The following CHURC1 variants were observed in gnomAD, a reference collection of about 807,000 sequenced individuals.
The protein encoded by CHURC1 is protein Churchill.
A neutral mutation model predicts 15.4 loss-of-function variants in CHURC1; 12 were observed. The observed-to-expected ratio is 0.78, with a 90% CI of 0.50 to 1.27. The LOEUF (loss-of-function observed/expected upper bound fraction) is 1.27, where lower values mean the gene tolerates loss of function less well. Ranked by LOEUF, CHURC1 falls within the 50% of genes most tolerant of loss-of-function variation. CHURC1 has a pLI of 0.00. For missense variants in CHURC1, 132 were observed against 137.8 expected (o/e 0.96, Z 0.21); for synonymous variants, 42 against 47.5 (o/e 0.88, Z 0.48).
Position 64,932,337 on chromosome 14 carries a change from T to C in CHURC1, c.*107T>C. The C allele has an allele frequency of 6.6e-7, 1 of 1,521,196 alleles. No homozygotes were observed. Among genetic ancestry groups the C allele is most frequent in the Non-Finnish European group, 8.8e-7 (1 of 1,131,720 alleles). 94.2% of individuals were successfully genotyped at this position (1,521,196 alleles called of 1,614,324 possible). A position where few individuals can be genotyped will look rare whatever the true frequency, so the allele number is the denominator to read the frequency against. ...TACTGAAAATTCTTTGCATATTTTTTTTCTGCTTAGACTTACTTATTCTTT... is the reference window on the plus strand; with the variant it reads ...TACTGAAAATTCTTTGCATATTTTTCTTCTGCTTAGACTTACTTATTCTTT... On this transcript the variant is annotated 3_prime_UTR_variant, in exon 4 of 4. Transcript: ENST00000549115.
intron 1 of CHURC1, among the ~76,000 whole-genome samples, chr14:64,916,578 G>A (rs1356153114): frequency 3.3e-5 from 5 of 151,990 alleles, no homozygotes. Flanking sequence ...ATTCTTTTTT[G>A]TTGTTGTTTT....
chr14:64,932,060 A>G lies in CHURC1; in HGVS notation c.247-78A>G. On this transcript the variant is annotated intron_variant, in intron 3 of 3. Transcript: ENST00000549115. ...AGAATATTCATGACAATTTGTAGAG[A>G]ACATCTTAACTAGAGTAAGTTATAA... 2.6e-6 allele frequency: 4 copies of G among 1,527,514 alleles called. No individual in the cohort carries two copies. The South Asian group carries it at 3.8e-5, about 14-fold the overall frequency. The allele number at this position is 1,527,514 out of a possible 1,614,324, so 94.6% of individuals were successfully genotyped here. A position where few individuals can be genotyped will look rare whatever the true frequency, so the allele number is the denominator to read the frequency against.
rs914425611 is a variant in CHURC1, at chr14:64,933,693, G to C, written c.*1463G>C. 1.0e-6 allele frequency: 1 copy of C among 985,410 alleles called. No homozygotes were observed. The highest frequency in any genetic ancestry group is 1.2e-6 in the Non-Finnish European group (1 of 829,936). The allele number at this position is 985,410 out of a possible 1,614,324, so 61.0% of individuals were successfully genotyped here. A position where few individuals can be genotyped will look rare whatever the true frequency, so the allele number is the denominator to read the frequency against. On this transcript the variant is annotated 3_prime_UTR_variant, in exon 4 of 4. Transcript: ENST00000549115. ...TCATTCTGAGACCTAAATTTAAAGG[G>C]TCAGGCATTAGAAACAAAAGTGTTT...
intron 1 of CHURC1, among the ~76,000 whole-genome samples, chr14:64,920,239 C>G (rs1444208005): frequency 6.6e-6 from 1 of 152,110 alleles, no homozygotes; most frequent in Non-Finnish European, 1.5e-5. Flanking sequence ...CACTTGTATA[C>G]CTTTACAAAT....
At chr14:64,931,897 G>T (rs1203168308) in intron 3 of CHURC1, among the ~76,000 whole-genome samples, 1 of 152,170 alleles carries the variant, frequency 6.6e-6, no homozygotes, top group Admixed American at 6.5e-5. Flanking sequence ...CTAAATATAT[G>T]TGCTTTCTGA....
chr14:64,932,481 G>A lies in CHURC1; in HGVS notation c.*251G>A. On this transcript the variant is annotated 3_prime_UTR_variant, in exon 4 of 4. Coordinates refer to ENST00000549115, the MANE Select transcript of CHURC1 (RefSeq NM_001386928.1). ...ATCTTTGTTAGCAGTTATGTGGTCA[G>A]AAAACAACTAGAATGGGAGCACACC... 1 of 1,178,738 alleles carries A rather than the reference G, an allele frequency of 8.5e-7. No homozygotes were observed. Among genetic ancestry groups the A allele is most frequent in the Non-Finnish European group, 1.1e-6 (1 of 949,146 alleles). 73.0% of individuals were successfully genotyped at this position (1,178,738 alleles called of 1,614,324 possible).
chr14:64,915,134 G>A (rs61987375), intron 1 of CHURC1, among the ~76,000 whole-genome samples: 1 of 152,332 alleles, frequency 6.6e-6, no homozygotes, highest in South Asian at 2.1e-4. Flanking sequence ...TTATATATGT[G>A]TAGTTAGATT....
At chr14:64,928,574 C>T (rs1884887409) in intron 3 of CHURC1, among the ~76,000 whole-genome samples, 1 of 152,076 alleles carries the variant, frequency 6.6e-6, no homozygotes, top group Admixed American at 6.6e-5. Context: ...ACCCTATTTT[C>T]CTTATTTTCC....
Position 64,924,107 on chromosome 14 carries a change from A to C in CHURC1, c.156A>C (p.Glu52Asp). The change falls in exon 2 of 4, where the codon GAA becomes GAC. Residue 52 changes from glutamate to aspartate, a missense_variant. By Grantham distance (45) the Glu-to-Asp change is conservative. Coordinates refer to ENST00000549115, the MANE Select transcript of CHURC1 (RefSeq NM_001386928.1). ...AATCCTTGAAAGAAGAAGATGGAGA[A>C]GAAATAGTTACCTATGATCGTAAGT... ...TNKSLKEEDG[E>D]EIVTYDHLCK... is the part of the protein sequence containing the mutation. 1 of 1,609,234 alleles carries C rather than the reference A, an allele frequency of 6.2e-7. No individual in the cohort carries two copies. The highest frequency in any genetic ancestry group is 8.5e-7 in the Non-Finnish European group (1 of 1,177,412).
Position 64,935,325 on chromosome 14 carries a change from A to G in CHURC1, c.*3095A>G. The G allele has an allele frequency of 1.1e-5, 9 of 826,576 alleles. No homozygotes were observed. Among genetic ancestry groups the G allele is most frequent in the Non-Finnish European group, 1.3e-5 (9 of 685,894 alleles). The allele number at this position is 826,576 out of a possible 1,614,324, so 51.2% of individuals were successfully genotyped here. ...ATCGTGCACATGTACCCTAAAACTTAAAGTATAATAATAATAAAATAAAAA... is the reference window on the plus strand; with the variant it reads ...ATCGTGCACATGTACCCTAAAACTTGAAGTATAATAATAATAAAATAAAAA... On this transcript the variant is annotated 3_prime_UTR_variant, in exon 4 of 4. Coordinates refer to ENST00000549115, the MANE Select transcript of CHURC1 (RefSeq NM_001386928.1).
intron 1 of CHURC1, among the ~76,000 whole-genome samples, chr14:64,923,762 A>G (rs953299879): frequency 4.7e-5 from 7 of 147,592 alleles, no homozygotes; most frequent in Non-Finnish European, 8.9e-5. Context: ...TACAGACTTA[A>G]GGATCTAACA....
intron 3 of CHURC1, among the ~76,000 whole-genome samples, chr14:64,928,525 C>T (rs893933961): frequency 3.3e-5 from 5 of 152,208 alleles, no homozygotes; most frequent in African/African-American, 9.6e-5. Context: ...GCTGGGATTA[C>T]AGGTGTGAGC....
At chr14:64,919,991 T>C (rs1403725978) in intron 1 of CHURC1, among the ~76,000 whole-genome samples, 1 of 151,682 alleles carries the variant, frequency 6.6e-6, no homozygotes, top group Non-Finnish European at 1.5e-5. Flanking sequence ...ACTGAGAGAA[T>C]ACAGTAGAGA....
chr14:64,919,192 A>G (rs1884101124), intron 1 of CHURC1, among the ~76,000 whole-genome samples: 1 of 152,264 alleles, frequency 6.6e-6, no homozygotes, highest in South Asian at 2.1e-4. Flanking sequence ...ATTACTGAAC[A>G]GGCACAAAAT....
chr14:64,926,387 T>C (rs978427066), intron 3 of CHURC1, among the ~76,000 whole-genome samples: 1 of 152,064 alleles, frequency 6.6e-6, no homozygotes, highest in African/African-American at 2.4e-5. Context: ...AGACAGACTT[T>C]AGATGTGGGT....
chr14:64,919,089 T>C (rs534639739), intron 1 of CHURC1, among the ~76,000 whole-genome samples: 1 of 152,300 alleles, frequency 6.6e-6, no homozygotes, highest in South Asian at 2.1e-4. Flanking sequence ...AACCCAAATG[T>C]TTTTTAACTC....
Position 64,934,150 on chromosome 14 carries a change from C to T in CHURC1, c.*1920C>T, listed in dbSNP as rs990078750. On this transcript the variant is annotated 3_prime_UTR_variant, in exon 4 of 4. Transcript: ENST00000549115. ...CTGAGGTCAGGAGTTTGAGACCAGC[C>T]GGGCCAACATGGTGCAACCTCGTCT... is the stretch of plus-strand genomic sequence containing the variant. 27 of 671,512 alleles carry T rather than the reference C, an allele frequency of 4.0e-5. No individual in the cohort carries two copies. The highest frequency in any genetic ancestry group is 1.3e-4 in the East Asian group (1 of 7,464). 41.6% of individuals were successfully genotyped at this position (671,512 alleles called of 1,614,324 possible).
rs941386256 is a variant in CHURC1 at position 64,933,302 on chromosome 14, A to G, written c.*1072A>G. ...TGGAATTATATACCACGAAAAGAAAAAAAGGTCATTTGGTAGAAACTAGGG... is the reference window on the plus strand; with the variant it reads ...TGGAATTATATACCACGAAAAGAAAGAAAGGTCATTTGGTAGAAACTAGGG... On this transcript the variant is annotated 3_prime_UTR_variant, in exon 4 of 4. Transcript: ENST00000549115. The G allele has an allele frequency of 1.1e-5, 10 of 914,884 alleles. No individual in the cohort carries two copies. Among genetic ancestry groups the G allele is most frequent in the Non-Finnish European group, 1.3e-5 (10 of 765,468 alleles). The allele number at this position is 914,884 out of a possible 1,614,324, so 56.7% of individuals were successfully genotyped here.
chr14:64,933,659 A>C lies in CHURC1; in HGVS notation c.*1429A>C. 2.0e-6 allele frequency: 2 copies of C among 985,470 alleles called. No individual in the cohort carries two copies. The highest frequency in any genetic ancestry group is 2.4e-6 in the Non-Finnish European group (2 of 829,942). The allele number at this position is 985,470 out of a possible 1,614,324, so 61.0% of individuals were successfully genotyped here. On this transcript the variant is annotated 3_prime_UTR_variant, in exon 4 of 4. Coordinates refer to ENST00000549115, the MANE Select transcript of CHURC1 (RefSeq NM_001386928.1). Reference sequence around the variant, plus strand: ...GTACTAGAAACAATGAGGTGGCTTCAATTAGTGCTCATTCTGAGACCTAAA... The same window carrying C: ...GTACTAGAAACAATGAGGTGGCTTCCATTAGTGCTCATTCTGAGACCTAAA...
Sources: allele counts gnomAD v4.1 joint callset (sites outside exome capture counted in the v4.1 genomes callset), GRCh38; gene constraint gnomAD v4.1.1; transcripts MANE v1.5; gene names NCBI Gene and HGNC (gene_info 2026-07-23, HGNC 2026-07-21).